Variants in TSNARE1 observed in about 807,000 individuals in gnomAD.
The protein encoded by TSNARE1 is t-SNARE domain-containing protein 1.
A neutral mutation model predicts 62.0 loss-of-function variants in TSNARE1; 49 were observed. The ratio of observed to expected loss-of-function variants is 0.79; its 90% confidence interval spans 0.63 to 1.00. TSNARE1 has a LOEUF of 1.00. Among genes scored for constraint, TSNARE1 ranks in the 50% least tolerant of loss-of-function variants. The pLI is 0.00. For missense variants in TSNARE1, 755 were observed against 700.1 expected, an observed-to-expected ratio of 1.08 and a Z score of -0.88; for synonymous variants, 328 against 294.4, an observed-to-expected ratio of 1.11 and a Z score of -1.17.
In TSNARE1 at chr8:142,229,464, G is replaced by A. The variant is rs771404616; in HGVS notation, c.*11+9C>T. On this transcript the variant is annotated intron_variant, in intron 13 of 13. Transcript: ENST00000524325. ...GAATGGATGGTGTACGGGTAGGTGG[G>A]GTACTCACCACGGGTAGCATCACTT... The A allele has an allele frequency of 6.2e-7, 1 of 1,608,586 alleles. No individual in the cohort carries two copies.
intron 13 of TSNARE1, among the ~76,000 whole-genome samples, chr8:142,221,083 T>G (rs989243371): frequency 1.3e-5 from 2 of 152,188 alleles, no homozygotes; most frequent in Non-Finnish European, 2.9e-5. Flanking sequence ...AGATCCTGCC[T>G]CACTCCACCG....
intron 12 of TSNARE1, chr8:142,270,593 G>A: frequency 1.0e-6 from 1 of 985,076 alleles, no homozygotes; most frequent in Non-Finnish European, 1.2e-6. Flanking sequence ...GGGCAGAGGA[G>A]CCCTGCCCTC....
chr8:142,240,744 T>C (rs1817638626), intron 12 of TSNARE1, among the ~76,000 whole-genome samples: 1 of 152,034 alleles, frequency 6.6e-6, no homozygotes, highest in Admixed American at 6.6e-5. Context: ...CCTTAAGTAA[T>C]GGGTCAAAGA....
At chr8:142,314,471 A>T (rs1563892849) in intron 8 of TSNARE1, 31 bp from the exon 9 acceptor site, 12 of 1,603,802 alleles carry the variant, frequency 7.5e-6, no homozygotes, top group Non-Finnish European at 1.0e-5. Flanking sequence ...GAAGAAAGAC[A>T]GGAAGAGCAA....
intron 13 of TSNARE1, among the ~76,000 whole-genome samples, chr8:142,219,442 G>A (rs1213272602): frequency 4.6e-5 from 7 of 152,162 alleles, no homozygotes; most frequent in African/African-American, 9.7e-5. Context: ...TGCCCTCAGG[G>A]AGAGGCTGTC....
chr8:142,271,622 G>A (rs760873886), intron 12 of TSNARE1: 226 of 1,434,510 alleles, frequency 1.6e-4, no homozygotes, highest in Non-Finnish European at 2.0e-4. Context: ...GTCAGGTTCA[G>A]GCAGGCTGGG....
chr8:142,366,650 C>A (rs747940430), intron 1 of TSNARE1, among the ~76,000 whole-genome samples: 1 of 152,140 alleles, frequency 6.6e-6, no homozygotes, highest in Non-Finnish European at 1.5e-5. Flanking sequence ...AATAAAGAAC[C>A]TTTCATCCTA....
chr8:142,406,452 C>A (rs992414110), upstream of TSNARE1: 2 of 152,302 alleles, frequency 1.3e-5, no homozygotes, highest in Admixed American at 6.5e-5. Flanking sequence ...CTGGAACACA[C>A]AGTGCCCCAC....
intron 12 of TSNARE1, among the ~76,000 whole-genome samples, chr8:142,256,262 T>C (rs796468039): frequency 4.8e-4 from 28 of 58,722 alleles, no homozygotes; most frequent in South Asian, 7.0e-4. Flanking sequence ...ATCATCACCA[T>C]CACCATCACC....
chr8:142,285,375 T>C (rs576293174), intron 10 of TSNARE1, among the ~76,000 whole-genome samples: 1 of 95,810 alleles, frequency 1.0e-5, no homozygotes, highest in South Asian at 3.2e-4. Context: ...TGGGTAGATG[T>C]ATGGATGGGT....
chr8:142,344,350 C>T lies in TSNARE1; in HGVS notation c.361G>A (p.Ala121Thr). The change falls in exon 4 of 14, where the codon GCC becomes ACC. Residue 121 changes from alanine (A) to threonine (T), a missense_variant. Transcript: ENST00000524325. ...GRMAGPSTTR[A>T]KKRKPNFCPQ... ...CAGAAGTTGGGCTTCCTCTTCTTGG[C>T]CCGGGTAGTGCTGGGCCCCGCCATC... 2 of 1,575,344 alleles carry T rather than the reference C, an allele frequency of 1.3e-6. No individual in the cohort carries two copies. The highest frequency in any genetic ancestry group is 1.7e-6 in the Non-Finnish European group (2 of 1,160,528).
intron 7 of TSNARE1, among the ~76,000 whole-genome samples, chr8:142,316,700 G>C (rs888502371): frequency 1.3e-5 from 2 of 151,680 alleles, no homozygotes; most frequent in Non-Finnish European, 2.9e-5. Context: ...TCGACTTCTG[G>C]TCTCCACAGA....
chr8:142,389,972 C>G (rs1837368381), intron 1 of TSNARE1, among the ~76,000 whole-genome samples: 1 of 152,186 alleles, frequency 6.6e-6, no homozygotes, highest in Non-Finnish European at 1.5e-5. Flanking sequence ...ATCTATTGCT[C>G]CAGGCTATAA....
chr8:142,400,182 G>A (rs533033520), intron 1 of TSNARE1, among the ~76,000 whole-genome samples: 21 of 152,280 alleles, frequency 1.4e-4, no homozygotes, highest in East Asian at 1.2e-3. Flanking sequence ...AGTGGCTCAC[G>A]CCTGTAATCC....
chr8:142,223,024 C>CCACTCACT (rs147538765), intron 13 of TSNARE1, among the ~76,000 whole-genome samples: 1 of 81,786 alleles, frequency 1.2e-5, no homozygotes, highest in Non-Finnish European at 2.9e-5. Context: ...ACTCACTCAG[C>CCACTCACT]CACTCACTCA....
At chr8:142,237,015 A>AG in intron 12 of TSNARE1, among the ~76,000 whole-genome samples, 2 of 152,176 alleles carry the variant, frequency 1.3e-5, no homozygotes, top group South Asian at 4.2e-4. Flanking sequence ...CATGGTTATG[A>AG]GGGGGGAGCT....
At chr8:142,293,591 C>G (rs1234468661) in intron 10 of TSNARE1, among the ~76,000 whole-genome samples, 1 of 152,204 alleles carries the variant, frequency 6.6e-6, no homozygotes, top group African/African-American at 2.4e-5. Flanking sequence ...TGGACCAGCA[C>G]CTACTTCTCC....
intron 1 of TSNARE1, among the ~76,000 whole-genome samples, chr8:142,366,225 A>G (rs1046511988): frequency 6.6e-6 from 1 of 152,002 alleles, no homozygotes; most frequent in Admixed American, 6.6e-5. Context: ...TTTAGTAGAG[A>G]TGGGGTTTCA....
intron 11 of TSNARE1, among the ~76,000 whole-genome samples, chr8:142,282,876 C>A (rs1361260021): frequency 2.8e-5 from 4 of 140,508 alleles, no homozygotes; most frequent in African/African-American, 1.1e-4. Flanking sequence ...GAGGGGAGGC[C>A]ACTGTCTGTC....
Sources: allele counts gnomAD v4.1 joint callset (sites outside exome capture counted in the v4.1 genomes callset), GRCh38; gene constraint gnomAD v4.1.1; transcripts MANE v1.5; gene names NCBI Gene and HGNC (gene_info 2026-07-23, HGNC 2026-07-21).